Variants in NAV2 observed in about 807,000 individuals in gnomAD.
NAV2 encodes neuron navigator 2, also known as helicase, APC down-regulated 1.
A neutral mutation model predicts 223.2 loss-of-function variants in NAV2; 54 were observed. The observed-to-expected ratio is 0.24, with a 90% CI of 0.19 to 0.30. The LOEUF (loss-of-function observed/expected upper bound fraction) is 0.30, where lower values mean the gene tolerates loss of function less well. Among genes scored for constraint, NAV2 ranks in the 10% least tolerant of loss-of-function variants. The probability of loss-of-function intolerance (pLI) is 1.00; values close to 1 mark genes in which losing one functional copy is unlikely to be tolerated. For missense variants in NAV2, 2,806 were observed against 3,147.5 expected (o/e 0.89, Z 2.60); for synonymous variants, 1,279 against 1,239.3 (o/e 1.03, Z -0.67).
chr11:19,750,437 G>A (rs953587748), intron 1 of NAV2, among the ~76,000 whole-genome samples: 4 of 152,066 alleles, frequency 2.6e-5, no homozygotes, highest in Non-Finnish European at 5.9e-5. Flanking sequence ...TGCTTTGGCC[G>A]TTGCCAGTAA....
At chr11:19,411,127 C>T (rs1698016567) in intron 1 of NAV2, among the ~76,000 whole-genome samples, 2 of 152,082 alleles carry the variant, frequency 1.3e-5, no homozygotes, top group Non-Finnish European at 2.9e-5. Flanking sequence ...CTTGACCCCA[C>T]CCCCAGAGTT....
chr11:19,939,586 TG>T, intron 7 of NAV2, 74 bp from the exon 8 acceptor site: 2 of 1,116,324 alleles, frequency 1.8e-6, no homozygotes, highest in Non-Finnish European at 2.7e-6. Flanking sequence ...GTGAGGGCTG[TG>T]GTTAGACCAC....
chr11:19,490,458 C>T lies in NAV2; in HGVS notation c.75+139431C>T, dbSNP rs150510301. 5.9e-4 allele frequency among the ~76,000 whole-genome samples: 90 copies of T among 152,300 alleles called. 1 individual carries two copies. The highest frequency in any genetic ancestry group is 1.9e-3 in the African/African-American group (78 of 41,568). On this transcript the variant is annotated intron_variant, in intron 1 of 37. Transcript: ENST00000360655. Reference sequence around the variant, plus strand: ...AAATCCTTTGTTGGAATTTCAGTAACGTTCTCAGCATCTTCACCAGGAATA... The same window carrying T: ...AAATCCTTTGTTGGAATTTCAGTAATGTTCTCAGCATCTTCACCAGGAATA...
rs763349829 is a variant in NAV2, at chr11:19,984,192, G to A, written c.2713G>A (p.Val905Met). The A allele has an allele frequency of 2.5e-6, 4 of 1,614,216 alleles. No individual in the cohort carries two copies. The highest frequency in any genetic ancestry group is 2.5e-6 in the Non-Finnish European group (3 of 1,180,024). The change falls in exon 11 of 38, where the codon GTG becomes ATG. Residue 905 changes from valine to methionine, a missense_variant. Coordinates refer to ENST00000349880, the MANE Select transcript of NAV2 (RefSeq NM_145117.5). The part of the protein sequence containing the change: ...RLNRLPDGMA[V>M]VRETLQRNTS... Reference sequence around the variant, plus strand: ...GAACCGGCTCCCTGATGGGATGGCTGTGGTACGGGAGACCCTGCAACGAAA... The same window carrying A: ...GAACCGGCTCCCTGATGGGATGGCTATGGTACGGGAGACCCTGCAACGAAA...
chr11:19,976,332 TGTTGA>T (rs2049743946), intron 10 of NAV2, among the ~76,000 whole-genome samples: 1 of 152,116 alleles, frequency 6.6e-6, no homozygotes, highest in South Asian at 2.1e-4. Flanking sequence ...GAGAGGCGTG[TGTTGA>T]GTTGAGCTGC....
At chr11:20,087,953 G>C (rs1453620999) in intron 26 of NAV2, among the ~76,000 whole-genome samples, 2 of 152,134 alleles carry the variant, frequency 1.3e-5, no homozygotes, top group Non-Finnish European at 2.9e-5. Flanking sequence ...ATAAGCATTT[G>C]TTAGGTACCC....
intron 1 of NAV2, among the ~76,000 whole-genome samples, chr11:19,830,322 A>T (rs2059863499): frequency 6.6e-6 from 1 of 152,238 alleles, no homozygotes; most frequent in South Asian, 2.1e-4. Flanking sequence ...CACGGAAGGG[A>T]TGAATAACTC....
intron 1 of NAV2, among the ~76,000 whole-genome samples, chr11:19,470,773 A>T (rs1421632083): frequency 6.6e-6 from 1 of 152,166 alleles, no homozygotes; most frequent in East Asian, 1.9e-4. Context: ...CGATCCAAAG[A>T]TCAAAGTGGA....
chr11:19,496,705 G>A (rs572050909), intron 1 of NAV2, among the ~76,000 whole-genome samples: 5 of 152,284 alleles, frequency 3.3e-5, no homozygotes, highest in South Asian at 2.1e-4. Context: ...TAGGTGGCAA[G>A]GATCATTGAG....
At chr11:19,682,666 TG>T (rs2048911496) in intron 1 of NAV2, among the ~76,000 whole-genome samples, 1 of 152,144 alleles carries the variant, frequency 6.6e-6, no homozygotes, top group African/African-American at 2.4e-5. Flanking sequence ...GCAGAAGGGA[TG>T]GGGGGCTACA....
At chr11:19,562,017 T>C (rs2045117385) in intron 1 of NAV2, among the ~76,000 whole-genome samples, 2 of 152,248 alleles carry the variant, frequency 1.3e-5, no homozygotes, top group South Asian at 4.1e-4. Context: ...CATCCAGAGA[T>C]GCAGGCACTA....
chr11:19,819,296 G>A (rs1263828799), intron 1 of NAV2, among the ~76,000 whole-genome samples: 3 of 152,186 alleles, frequency 2.0e-5, no homozygotes, highest in African/African-American at 7.2e-5. Context: ...AGCAGGTTGG[G>A]AATGGCTTTA....
intron 1 of NAV2, among the ~76,000 whole-genome samples, chr11:19,571,550 A>G (rs2134901367): frequency 6.6e-6 from 1 of 152,242 alleles, no homozygotes; most frequent in South Asian, 2.1e-4. Flanking sequence ...TACTAAAAAT[A>G]TAAGAATTAG....
chr11:19,404,017 G>C (rs1849790358), intron 1 of NAV2, among the ~76,000 whole-genome samples: 1 of 152,174 alleles, frequency 6.6e-6, no homozygotes, highest in African/African-American at 2.4e-5. Context: ...TGGTGAAGAG[G>C]TGAGTCTGAG....
At chr11:19,855,171 T>G (rs2061349975) in intron 3 of NAV2, among the ~76,000 whole-genome samples, 1 of 152,160 alleles carries the variant, frequency 6.6e-6, no homozygotes, top group African/African-American at 2.4e-5. Context: ...ACTGAAATAA[T>G]AATGTATGGG....
chr11:20,036,389 AC>A (rs949173305), intron 12 of NAV2, among the ~76,000 whole-genome samples: 9 of 152,206 alleles, frequency 5.9e-5, no homozygotes, highest in Non-Finnish European at 1.2e-4. Context: ...TTGTTTAAAA[AC>A]AAACAACAGA....
At chr11:19,625,182 T>C (rs917476950) in intron 1 of NAV2, among the ~76,000 whole-genome samples, 2 of 152,234 alleles carry the variant, frequency 1.3e-5, no homozygotes, top group Non-Finnish European at 2.9e-5. Context: ...TTAGCTGTGA[T>C]TTTGTATTCT....
chr11:19,925,747 CAAAAAAAAA>C (rs748662441), intron 6 of NAV2, among the ~76,000 whole-genome samples: 1 of 95,776 alleles, frequency 1.0e-5, no homozygotes, highest in African/African-American at 3.6e-5. Context: ...GATTCTGTCT[CAAAAAAAAA>C]AAAAAAAAGA....
chr11:19,636,246 A>C (rs191822825), intron 1 of NAV2, among the ~76,000 whole-genome samples: 4 of 152,272 alleles, frequency 2.6e-5, no homozygotes, highest in Admixed American at 2.6e-4. Context: ...TTCCCCCTAG[A>C]GAAGCAATGA....
Sources: gnomAD v4.1 joint callset for allele counts (sites outside exome capture counted in the v4.1 genomes callset) on GRCh38, gnomAD v4.1.1 for gene constraint, MANE v1.5 for transcripts, NCBI Gene and HGNC (gene_info 2026-07-23, HGNC 2026-07-21) for gene names.